The following RFX7 variants were observed in gnomAD, a reference collection of about 807,000 sequenced individuals.
RFX7 encodes regulatory factor X7.
In RFX7, 26 loss-of-function variants were observed where a neutral mutation model predicts 111.8. The observed-to-expected ratio is 0.23, with a 90% CI of 0.17 to 0.32. The LOEUF (loss-of-function observed/expected upper bound fraction) is 0.32, where lower values mean the gene tolerates loss of function less well. Ranked by LOEUF, RFX7 falls within the 10% of genes least tolerant of loss-of-function variation. The pLI is 1.00. For synonymous variants in RFX7, 624 were observed against 624.4 expected (o/e 1.00, Z 0.01); for missense variants, 1,573 against 1,772.9 (o/e 0.89, Z 2.02).
chr15:56,151,255 C>T (rs1329048024), intron 3 of RFX7, among the ~76,000 whole-genome samples: 14 of 152,054 alleles, frequency 9.2e-5, no homozygotes, highest in African/African-American at 2.9e-4. Context: ...GACACATAAT[C>T]GTCAGATTCA....
At chr15:56,110,272 G>A (rs1220052572) in intron 5 of RFX7, among the ~76,000 whole-genome samples, 1 of 111,532 alleles carries the variant, frequency 9.0e-6, no homozygotes, top group Non-Finnish European at 2.0e-5. Flanking sequence ...GAGGTGGGGG[G>A]GGGTCAGCCC....
At chr15:56,194,188 CAA>C (rs1428672339) in intron 2 of RFX7, among the ~76,000 whole-genome samples, 1 of 152,054 alleles carries the variant, frequency 6.6e-6, no homozygotes, top group Non-Finnish European at 1.5e-5. Context: ...CTTCCAACAC[CAA>C]GTTTAGCCTC....
intron 5 of RFX7, among the ~76,000 whole-genome samples, chr15:56,115,112 C>G (rs1404055774): frequency 1.3e-5 from 2 of 152,138 alleles, no homozygotes; most frequent in African/African-American, 2.4e-5. Context: ...TGGGTTCAAG[C>G]AATTCTCCTG....
At position 56,094,783 on chromosome 15, in the gene RFX7, G is replaced by C; in HGVS notation, c.2945C>G (p.Ser982Cys). 6.2e-7 allele frequency: 1 copy of C among 1,608,154 alleles called. No individual in the cohort carries two copies. The highest frequency in any genetic ancestry group is 1.1e-5 in the South Asian group (1 of 90,170). Residue 982 changes from serine to cysteine, a missense_variant, in exon 10 of 10, where the codon TCC (serine) becomes TGC (cysteine). This residue lies in a region of RFX7 where 625 missense variants were observed against 632.2 expected (regional missense o/e 0.99). Coordinates refer to ENST00000559447, the MANE Select transcript of RFX7 (RefSeq NM_022841.7). The part of the protein sequence containing the change: ...SQSLSRESPC[S>C]RLAQTTPVDS... ...CACAGGTGTAGTCTGGGCTAGCCTG[G>C]AGCAAGGGCTCTCCCGTGACAGACT... is the stretch of plus-strand genomic sequence containing the variant.
At chr15:56,200,943 T>A (rs1260643693) in intron 2 of RFX7, among the ~76,000 whole-genome samples, 1 of 152,022 alleles carries the variant, frequency 6.6e-6, no homozygotes, top group Non-Finnish European at 1.5e-5. Flanking sequence ...TTTTTTTTTT[T>A]AACTGAAAAG....
intron 5 of RFX7, among the ~76,000 whole-genome samples, chr15:56,111,672 A>AAAC (rs1341019232): frequency 6.6e-5 from 10 of 150,986 alleles, no homozygotes; most frequent in Admixed American, 1.3e-4. Context: ...AAAAAAAAAA[A>AAAC]AAAAAAAACC....
chr15:56,236,372 C>G (rs2043623814), intron 2 of RFX7, among the ~76,000 whole-genome samples: 1 of 151,944 alleles, frequency 6.6e-6, no homozygotes, highest in African/African-American at 2.4e-5. Context: ...ATTATCCTAC[C>G]CAAGGCAGGA....
At chr15:56,097,771 A>AAAAAAAAAAAAAC (rs1567005692) in intron 9 of RFX7, among the ~76,000 whole-genome samples, 8 of 149,280 alleles carry the variant, frequency 5.4e-5, no homozygotes, top group Non-Finnish European at 8.9e-5. Flanking sequence ...AAAAAAAAAA[A>AAAAAAAAAAAAAC]TCTTGGCTCA....
At chr15:56,179,771 C>CAT (rs1266350063) in intron 2 of RFX7, among the ~76,000 whole-genome samples, 1 of 64,994 alleles carries the variant, frequency 1.5e-5, no homozygotes, top group Admixed American at 1.6e-4. Context: ...AACACACACA[C>CAT]ACACACACAC....
intron 3 of RFX7, among the ~76,000 whole-genome samples, chr15:56,168,998 C>G (rs552272732): frequency 6.6e-6 from 1 of 152,316 alleles, no homozygotes; most frequent in Admixed American, 6.5e-5. Flanking sequence ...TTTAAGCCAC[C>G]AGTTGTTTCA....
intron 2 of RFX7, among the ~76,000 whole-genome samples, chr15:56,181,794 A>C (rs1371313103): frequency 6.8e-6 from 1 of 147,894 alleles, no homozygotes; most frequent in Admixed American, 6.9e-5. Flanking sequence ...AAACCTCTAA[A>C]AAATATATGT....
At chr15:56,110,324 G>GC (rs1392702179) in intron 5 of RFX7, among the ~76,000 whole-genome samples, 1 of 111,098 alleles carries the variant, frequency 9.0e-6, no homozygotes, top group African/African-American at 3.3e-5. Flanking sequence ...AGGTGGGGGG[G>GC]GGGTCAGCCC....
At chr15:56,227,452 T>C (rs1344942965) in intron 2 of RFX7, among the ~76,000 whole-genome samples, 1 of 152,326 alleles carries the variant, frequency 6.6e-6, no homozygotes, top group South Asian at 2.1e-4. Context: ...TTGTCTTCCA[T>C]TCTGAATTTG....
intron 2 of RFX7, among the ~76,000 whole-genome samples, chr15:56,235,177 T>C (rs1437884574): frequency 6.9e-6 from 1 of 145,930 alleles, no homozygotes. Flanking sequence ...TTCTCGTTTG[T>C]TGTTTTTTTT....
chr15:56,115,900 C>T (rs1031618280), intron 5 of RFX7, among the ~76,000 whole-genome samples: 1 of 151,640 alleles, frequency 6.6e-6, no homozygotes, highest in African/African-American at 2.4e-5. Context: ...CGAGATCGTG[C>T]CACTGCACTC....
At chr15:56,161,406 T>C (rs1321170813) in intron 3 of RFX7, among the ~76,000 whole-genome samples, 1 of 152,126 alleles carries the variant, frequency 6.6e-6, no homozygotes, top group Non-Finnish European at 1.5e-5. Flanking sequence ...TATTACTAAG[T>C]AGATTCTGTG....
At chr15:56,120,260 T>C (rs2042059684) in intron 5 of RFX7, among the ~76,000 whole-genome samples, 1 of 152,232 alleles carries the variant, frequency 6.6e-6, no homozygotes, top group Admixed American at 6.5e-5. Context: ...TTTGTAGCTA[T>C]TGTAAATAGG....
At chr15:56,111,323 G>A (rs1195357709) in intron 5 of RFX7, among the ~76,000 whole-genome samples, 1 of 151,898 alleles carries the variant, frequency 6.6e-6, no homozygotes, top group Non-Finnish European at 1.5e-5. Context: ...TTCTTCCTTG[G>A]GATCCTGTTG....
chr15:56,180,632 G>A (rs183731900), intron 2 of RFX7, among the ~76,000 whole-genome samples: 48 of 152,012 alleles, frequency 3.2e-4, no homozygotes, highest in African/African-American at 8.2e-4. Context: ...CTGGCCAGGC[G>A]TGGTGGCTCA....
Sources: allele counts gnomAD v4.1 joint callset (sites outside exome capture counted in the v4.1 genomes callset), GRCh38; gene constraint gnomAD v4.1.1; regional missense constraint gnomAD v4.1.1; transcripts MANE v1.5; gene names NCBI Gene and HGNC (gene_info 2026-07-23, HGNC 2026-07-21).